The following TENM4 variants were observed in gnomAD, a reference collection of about 807,000 sequenced individuals.
TENM4 encodes the protein teneurin-4.
TENM4 carries 82 observed loss-of-function variants against 243.3 expected under a neutral mutation model. The observed-to-expected ratio is 0.34, with a 90% CI of 0.28 to 0.40. The LOEUF (loss-of-function observed/expected upper bound fraction) is 0.40. Among genes scored for constraint, TENM4 ranks in the 10% least tolerant of loss-of-function variants. The probability of loss-of-function intolerance (pLI) is 1.00; values close to 1 mark genes in which losing one functional copy is unlikely to be tolerated. For missense variants in TENM4, 3,138 were observed against 3,673.3 expected, an observed-to-expected ratio of 0.85 and a Z score of 3.77; for synonymous variants, 1,412 against 1,456.3, an observed-to-expected ratio of 0.97 and a Z score of 0.69.
intron 2 of TENM4, among the ~76,000 whole-genome samples, chr11:79,231,718 C>T (rs1181253674): frequency 6.6e-6 from 1 of 152,230 alleles, no homozygotes; most frequent in African/African-American, 2.4e-5. Flanking sequence ...ATTTGATTCA[C>T]CCAGCTCTGA....
intron 6 of TENM4, among the ~76,000 whole-genome samples, chr11:78,931,520 A>T (rs1227414604): frequency 2.0e-5 from 3 of 152,254 alleles, no homozygotes; most frequent in Non-Finnish European, 4.4e-5. Flanking sequence ...GTAAATATTT[A>T]CTTGCCACTG....
At chr11:79,371,750 T>C (rs1857791526) in intron 1 of TENM4, among the ~76,000 whole-genome samples, 1 of 152,226 alleles carries the variant, frequency 6.6e-6, no homozygotes, top group Non-Finnish European at 1.5e-5. Context: ...TGATAATTGT[T>C]GTTACTAGTG....
At chr11:79,195,605 T>C (rs967280066) in intron 3 of TENM4, among the ~76,000 whole-genome samples, 1 of 152,160 alleles carries the variant, frequency 6.6e-6, no homozygotes, top group Non-Finnish European at 1.5e-5. Flanking sequence ...GTAACCCCTT[T>C]GTTTTGGCCA....
rs115953643 is a variant in TENM4, at chr11:78,886,620, T to G, written c.1084+3165A>C. ...GAAAGAGAAATGACTTTCCCAAGGG[T>G]GAGCAGCTGCTGTGTGGTAGAGCAG... On this transcript the variant is annotated intron_variant, in intron 9 of 33. Coordinates refer to ENST00000278550, the MANE Select transcript of TENM4 (RefSeq NM_001098816.3). Among the ~76,000 whole-genome samples, 311 of 152,250 alleles carry G rather than the reference T, an allele frequency of 2.0e-3. 1 individual carries two copies. The highest frequency in any genetic ancestry group is 7.1e-3 in the African/African-American group (294 of 41,534).
chr11:79,015,061 A>G (rs1428013669), intron 6 of TENM4, among the ~76,000 whole-genome samples: 2 of 152,194 alleles, frequency 1.3e-5, no homozygotes, highest in East Asian at 3.8e-4. Context: ...ACTGAAACAT[A>G]AATATCTCAT....
chr11:79,255,963 T>C, intron 2 of TENM4, among the ~76,000 whole-genome samples: 1 of 152,210 alleles, frequency 6.6e-6, no homozygotes, highest in East Asian at 1.9e-4. Flanking sequence ...TGCCCTTTTC[T>C]GTGCCCCAGG....
At chr11:78,930,642 C>T (rs2705225) in intron 6 of TENM4, among the ~76,000 whole-genome samples, 1,986 of 152,274 alleles carry the variant, frequency 0.013, 47 homozygotes, top group African/African-American at 0.045. Context: ...TGAACTGGCC[C>T]GGGCCACAAC....
At chr11:79,209,732 C>T (rs540617868) in intron 3 of TENM4, among the ~76,000 whole-genome samples, 5 of 152,302 alleles carry the variant, frequency 3.3e-5, no homozygotes, top group African/African-American at 7.2e-5. Context: ...TGCTAAGGAC[C>T]GCTCCAACCT....
chr11:78,732,817 G>A (rs962283599), intron 20 of TENM4, among the ~76,000 whole-genome samples: 1 of 152,170 alleles, frequency 6.6e-6, no homozygotes, highest in African/African-American at 2.4e-5. Context: ...ATGAACCACT[G>A]CTGTGGAGAG....
chr11:78,788,434 G>A (rs761029723), intron 15 of TENM4, among the ~76,000 whole-genome samples: 7 of 152,220 alleles, frequency 4.6e-5, no homozygotes, highest in Non-Finnish European at 7.3e-5. Flanking sequence ...TGGAGCCAGG[G>A]ACCTGGATCC....
At chr11:78,977,228 T>G (rs536618646) in intron 6 of TENM4, among the ~76,000 whole-genome samples, 1 of 152,210 alleles carries the variant, frequency 6.6e-6, no homozygotes, top group Admixed American at 6.5e-5. Flanking sequence ...ACACCAGTCA[T>G]AGTGGAGTAG....
In TENM4 at chr11:78,712,689, G is replaced by A; in HGVS notation, c.3847C>T (p.Leu1283=). ...GCCCCACTCATGGGGTCTGTGGCCAGGTAGTATTTGTGTGCTGGACTGTGA... is the reference window on the plus strand; with the variant it reads ...GCCCCACTCATGGGGTCTGTGGCCAAGTAGTATTTGTGTGCTGGACTGTGA... The part of the protein sequence containing the change: ...HSHSPAHKYY[L]ATDPMSGAVF... Residue 1283 remains leucine, a synonymous_variant, in exon 26 of 34, where the codon CTG becomes TTG. Transcript: ENST00000278550. 6.2e-7 allele frequency: 1 copy of A among 1,614,020 alleles called. No individual in the cohort carries two copies. Among genetic ancestry groups the A allele is most frequent in the Non-Finnish European group, 8.5e-7 (1 of 1,179,884 alleles).
chr11:79,235,687 C>T (rs1343554820), intron 2 of TENM4, among the ~76,000 whole-genome samples: 1 of 151,954 alleles, frequency 6.6e-6, no homozygotes, highest in Non-Finnish European at 1.5e-5. Context: ...CAACGTATGA[C>T]TATAAATAGT....
intron 6 of TENM4, among the ~76,000 whole-genome samples, chr11:78,927,849 T>TTC (rs56853062): frequency 0.79 from 117,208 of 149,280 alleles, 48,428 homozygotes; most frequent in Non-Finnish European, 0.92. Flanking sequence ...AAGCATCCTG[T>TTC]TCTCTCTCTC....
chr11:78,857,070 C>T (rs1251412193), intron 10 of TENM4, among the ~76,000 whole-genome samples: 2 of 145,268 alleles, frequency 1.4e-5, no homozygotes, highest in African/African-American at 2.5e-5. Context: ...ATTAAGCACA[C>T]TCATATGTGA....
intron 15 of TENM4, among the ~76,000 whole-genome samples, chr11:78,787,736 C>T (rs1033209379): frequency 6.6e-6 from 1 of 152,182 alleles, no homozygotes; most frequent in African/African-American, 2.4e-5. Context: ...CACCCCAACT[C>T]CAAGAACCAT....
chr11:79,395,859 T>A (rs185861050), intron 1 of TENM4, among the ~76,000 whole-genome samples: 1 of 152,320 alleles, frequency 6.6e-6, no homozygotes, highest in Non-Finnish European at 1.5e-5. Context: ...GTACTCAGGA[T>A]ACAGAGATAA....
In TENM4 at chr11:78,991,306, TA is replaced by T. The variant is rs35865449; in HGVS notation, c.493+73431del. Among the ~76,000 whole-genome samples the T allele has an allele frequency of 4.0e-4, 60 of 150,264 alleles. No homozygotes were observed. In the East Asian group the frequency reaches 5.1e-3, roughly 13 times the overall value. ...TTGAACTTCACATCCCTTTTGAGGT[TA>T]AAAAAAAAGGATTCATTATTGCCTC... On this transcript the variant is annotated intron_variant, in intron 6 of 33. Coordinates refer to ENST00000278550, the MANE Select transcript of TENM4 (RefSeq NM_001098816.3).
At chr11:78,883,076 G>GA (rs1238353229) in intron 9 of TENM4, among the ~76,000 whole-genome samples, 1 of 152,170 alleles carries the variant, frequency 6.6e-6, no homozygotes, top group African/African-American at 2.4e-5. Flanking sequence ...GACTAGGAAG[G>GA]ACCTTACAGG....
Sources: gnomAD v4.1 joint callset for allele counts (sites outside exome capture counted in the v4.1 genomes callset) on GRCh38, gnomAD v4.1.1 for gene constraint, MANE v1.5 for transcripts, NCBI Gene and HGNC (gene_info 2026-07-23, HGNC 2026-07-21) for gene names.